The following NBEA variants were observed in gnomAD, a reference collection of about 807,000 sequenced individuals.
NBEA encodes lysosomal-trafficking regulator 2.
A neutral mutation model predicts 343.4 loss-of-function variants in NBEA; 44 were observed. The observed-to-expected ratio is 0.13, with a 90% CI of 0.10 to 0.16. NBEA has a LOEUF of 0.16. Among genes scored for constraint, NBEA ranks in the 10% least tolerant of loss-of-function variants. The pLI is 1.00. For synonymous variants in NBEA, 1,175 were observed against 1,238.7 expected (o/e 0.95, Z 1.08); for missense variants, 2,555 against 3,631.3 (o/e 0.70, Z 7.62).
At chr13:35,564,941 G>A (rs1245407063) in intron 44 of NBEA, among the ~76,000 whole-genome samples, 2 of 151,974 alleles carry the variant, frequency 1.3e-5, no homozygotes, top group Non-Finnish European at 2.9e-5. Context: ...ACATTTATTG[G>A]GCAGATGGCA....
intron 1 of NBEA, among the ~76,000 whole-genome samples, chr13:34,973,286 A>G (rs2060058178): frequency 1.3e-5 from 2 of 151,946 alleles, no homozygotes; most frequent in Admixed American, 1.3e-4. Context: ...AGGATTGGAG[A>G]CCTGCTAAGG....
chr13:35,396,521 C>CT (rs976347539), intron 38 of NBEA, among the ~76,000 whole-genome samples: 15 of 152,174 alleles, frequency 9.9e-5, no homozygotes, highest in African/African-American at 3.1e-4. Context: ...TAGTGTATCA[C>CT]TTTATGTAAA....
chr13:35,082,889 G>A (rs1407686390), intron 10 of NBEA, among the ~76,000 whole-genome samples: 1 of 152,124 alleles, frequency 6.6e-6, no homozygotes, highest in East Asian at 1.9e-4. Context: ...TCTGATGGTA[G>A]TTTCTTTTGC....
At chr13:35,251,989 A>G (rs1593940053) in intron 34 of NBEA, among the ~76,000 whole-genome samples, 1 of 152,004 alleles carries the variant, frequency 6.6e-6, no homozygotes, top group East Asian at 1.9e-4. Context: ...CCAGATCTCT[A>G]AATACTCTAT....
At chr13:35,144,696 T>G (rs1485040026) in intron 18 of NBEA, among the ~76,000 whole-genome samples, 1 of 152,182 alleles carries the variant, frequency 6.6e-6, no homozygotes, top group Non-Finnish European at 1.5e-5. Context: ...ATCTACTTCC[T>G]GCTGATTAGA....
At position 35,183,997 on chromosome 13, in the gene NBEA, C is replaced by G; in HGVS notation, c.4853C>G (p.Pro1618Arg). 1 of 1,611,372 alleles carries G rather than the reference C, an allele frequency of 6.2e-7. No homozygotes were observed. The highest frequency in any genetic ancestry group is 8.5e-7 in the Non-Finnish European group (1 of 1,178,264). ...ACAGTTGTGGTCATACCATCTATCC[C>G]TCATCCAAGTTTGAACCATGGATTC... ...TSTVVVIPSI[P>R]HPSLNHGFLA... The change falls in exon 30 of 59, where the codon CCT becomes CGT. Residue 1618 changes from proline to arginine, a missense_variant. Coordinates refer to ENST00000379939, the MANE Select transcript of NBEA (RefSeq NM_001385012.1).
intron 41 of NBEA, among the ~76,000 whole-genome samples, chr13:35,524,485 A>G (rs557043797): frequency 6.6e-6 from 1 of 152,298 alleles, no homozygotes; most frequent in South Asian, 2.1e-4. Flanking sequence ...TCTCAGCAAA[A>G]TAACTCCACA....
chr13:35,572,440 G>T (rs982616987), intron 45 of NBEA, among the ~76,000 whole-genome samples: 1 of 152,120 alleles, frequency 6.6e-6, no homozygotes, highest in African/African-American at 2.4e-5. Context: ...CCCATTCATC[G>T]AGTGGAAAAA....
At chr13:35,028,612 TA>T (rs1215905017) in intron 1 of NBEA, among the ~76,000 whole-genome samples, 1 of 151,808 alleles carries the variant, frequency 6.6e-6, no homozygotes, top group Non-Finnish European at 1.5e-5. Flanking sequence ...TTCTTCCTTT[TA>T]GATCTCTGTA....
intron 24 of NBEA, among the ~76,000 whole-genome samples, chr13:35,167,393 A>C (rs2070120503): frequency 6.6e-6 from 1 of 151,970 alleles, no homozygotes; most frequent in South Asian, 2.1e-4. Flanking sequence ...AAATTTTTGA[A>C]CTGTTTAATC....
intron 44 of NBEA, among the ~76,000 whole-genome samples, chr13:35,566,132 G>T (rs1166935418): frequency 6.6e-6 from 1 of 152,138 alleles, no homozygotes; most frequent in Non-Finnish European, 1.5e-5. Flanking sequence ...GGAGGCCGAG[G>T]CAGATGGATC....
At chr13:35,266,619 TGG>T (rs2033706584) in intron 34 of NBEA, among the ~76,000 whole-genome samples, 1 of 151,612 alleles carries the variant, frequency 6.6e-6, no homozygotes, top group Non-Finnish European at 1.5e-5. Context: ...CACTCACGTG[TGG>T]AATATAAAAA....
At chr13:35,118,691 T>A (rs2066631369) in intron 16 of NBEA, among the ~76,000 whole-genome samples, 1 of 152,114 alleles carries the variant, frequency 6.6e-6, no homozygotes, top group African/African-American at 2.4e-5. Flanking sequence ...TTAAATTGTA[T>A]TTGCTATAGT....
intron 33 of NBEA, among the ~76,000 whole-genome samples, chr13:35,228,499 C>T (rs556212217): frequency 9.9e-5 from 15 of 151,806 alleles, no homozygotes; most frequent in Non-Finnish European, 1.2e-4. Flanking sequence ...ACATGATACC[C>T]ATTAAGTAAT....
At position 35,269,853 on chromosome 13, in the gene NBEA, C is replaced by T. The variant is rs529640839; in HGVS notation, c.5777-20536C>T. On this transcript the variant is annotated intron_variant, in intron 34 of 58. Transcript: ENST00000379939. ...AAAGCTGTCATGAGTTAAGAAAGGA[C>T]TTAGAAGAAATAGAGAAGTTTGCTC... Among the ~76,000 whole-genome samples, 4 of 152,112 alleles carry T rather than the reference C, an allele frequency of 2.6e-5. No homozygotes were observed. The East Asian group carries it at 7.7e-4, about 29-fold the overall frequency.
intron 1 of NBEA, among the ~76,000 whole-genome samples, chr13:34,993,245 T>C (rs74051207): frequency 3.5e-4 from 54 of 152,348 alleles, no homozygotes; most frequent in African/African-American, 1.2e-3. Context: ...AGCCGAAATA[T>C]TATTTTTTCA....
chr13:35,306,975 T>A (rs1186923189), intron 35 of NBEA, among the ~76,000 whole-genome samples: 1 of 152,094 alleles, frequency 6.6e-6, no homozygotes. Context: ...GAATTTCACA[T>A]TCTTTTTTGA....
At chr13:35,426,937 CT>C (rs2044719287) in intron 38 of NBEA, among the ~76,000 whole-genome samples, 3 of 152,190 alleles carry the variant, frequency 2.0e-5, no homozygotes. Flanking sequence ...GCTACTGAGG[CT>C]TCTGCATTCG....
intron 55 of NBEA, among the ~76,000 whole-genome samples, chr13:35,664,583 G>C (rs1031615713): frequency 2.0e-5 from 3 of 152,218 alleles, no homozygotes; most frequent in East Asian, 3.8e-4. Flanking sequence ...ATATAATTCA[G>C]CTGGACTTTT....
Sources: allele counts gnomAD v4.1 joint callset (sites outside exome capture counted in the v4.1 genomes callset), GRCh38; gene constraint gnomAD v4.1.1; transcripts MANE v1.5; gene names NCBI Gene and HGNC (gene_info 2026-07-23, HGNC 2026-07-21).